Variants in ZMYM3 observed in about 807,000 individuals in gnomAD.
ZMYM3 encodes the protein zinc finger MYM-type containing 3.
A neutral mutation model predicts 94.2 loss-of-function variants in ZMYM3; 6 were observed. The observed-to-expected ratio is 0.06, with a 90% CI of 0.03 to 0.13. The LOEUF is 0.13. Among genes scored for constraint, ZMYM3 ranks in the 10% least tolerant of loss-of-function variants. ZMYM3 has a pLI of 1.00. For missense variants in ZMYM3, 664 were observed against 1,132.6 expected, an observed-to-expected ratio of 0.59 and a Z score of 5.94; for synonymous variants, 420 against 426.5, an observed-to-expected ratio of 0.98 and a Z score of 0.19.
At chrX:71,246,537 G>A (rs1227543036) in intron 14 of ZMYM3, 25 bp from the exon 15 acceptor site, 3 of 1,192,858 alleles carry the variant, frequency 2.5e-6, no homozygotes, top group Non-Finnish European at 3.4e-6. Context: ...GAACATTTGT[G>A]CCACCAACCG....
chrX:71,248,577 G>A, intron 9 of ZMYM3, 53 bp from the exon 10 acceptor site: 5 of 1,172,353 alleles, frequency 4.3e-6, no homozygotes, highest in Non-Finnish European at 5.8e-6. Context: ...CAGCGGTGGG[G>A]AAGGGGAGTC....
Position 71,244,331 on chromosome X carries a change from G to C in ZMYM3, c.3251C>G (p.Thr1084Ser), listed in dbSNP as rs2030068185. The C allele has an allele frequency of 8.3e-7, 1 of 1,207,688 alleles. No homozygotes were observed. Among genetic ancestry groups the C allele is most frequent in the African/African-American group, 1.8e-5 (1 of 56,319 alleles). The change falls in exon 20 of 25, where the codon ACC becomes AGC. Residue 1084 changes from threonine (T) to serine (S), a missense_variant. Transcript: ENST00000314425. ...WVQSKYANGETSKGDELRFGP... is the reference protein window; with the variant it reads ...WVQSKYANGESSKGDELRFGP... The stretch of plus-strand genomic sequence containing the variant: ...AAAGCGCAGCTCATCACCCTTGCTG[G>C]TTTCTCCATTGGCATATTTTGACTG...
chrX:71,251,316 G>T (rs1025976042), intron 3 of ZMYM3, 72 bp from the exon 4 acceptor site: 5 of 1,039,025 alleles, frequency 4.8e-6, no homozygotes, highest in Non-Finnish European at 6.7e-6. Context: ...CAGGGTTTGG[G>T]GGGGGATAGA....
chrX:71,253,113 G>T lies in ZMYM3; in HGVS notation c.143C>A (p.Pro48His). 1 of 1,202,542 alleles carries T rather than the reference G, an allele frequency of 8.3e-7. No individual in the cohort carries two copies. The highest frequency in any genetic ancestry group is 1.1e-6 in the Non-Finnish European group (1 of 890,605). The change falls in exon 2 of 25, where the codon CCT (proline) becomes CAT (histidine). Residue 48 changes from proline (P) to histidine (H), a missense_variant. Around this residue, in one of 9 missense-constraint regions of ZMYM3, gnomAD observed 196 missense variants for 190.8 expected, o/e 1.03. Coordinates refer to ENST00000314425, the MANE Select transcript of ZMYM3 (RefSeq NM_201599.3). ...GGCTCCCGAGGATGGAGAAGGGCCA[G>T]GGGGGGCCCATCCTCGAGTTGGGGC... ...QTAPTRGWAPPGPSPSSGALD... is the reference protein window; with the variant it reads ...QTAPTRGWAPHGPSPSSGALD...
At chrX:71,250,326 C>G in intron 5 of ZMYM3, 106 bp downstream of exon 5, 2 of 1,095,821 alleles carry the variant, frequency 1.8e-6, no homozygotes, top group Non-Finnish European at 2.4e-6. Flanking sequence ...CTACATCACT[C>G]TCTCGCCCAG....
In ZMYM3 at chrX:71,253,269, T is replaced by C; in HGVS notation, c.-14A>G. 1 of 1,143,894 alleles carries C rather than the reference T, an allele frequency of 8.7e-7. No individual in the cohort carries two copies. 94.3% of individuals were successfully genotyped at this position (1,143,894 alleles called of 1,213,427 possible). A position where few individuals can be genotyped will look rare whatever the true frequency, so the allele number is the denominator to read the frequency against. ...ACTGGGGTCCATGAGTATGGCTGGATATGTACTGCAGATTAGGAGTAGAAG... is the reference window on the plus strand; with the variant it reads ...ACTGGGGTCCATGAGTATGGCTGGACATGTACTGCAGATTAGGAGTAGAAG... On this transcript the variant is annotated 5_prime_UTR_variant, in exon 2 of 25. In the 5' UTR this introduces an upstream ATG that the reference lacks. Coordinates refer to ENST00000314425, the MANE Select transcript of ZMYM3 (RefSeq NM_201599.3).
intron 1 of ZMYM3, 96 bp from the exon 2 acceptor site, chrX:71,253,370 A>G: frequency 1.4e-6 from 1 of 710,349 alleles, no homozygotes; most frequent in Non-Finnish European, 2.0e-6. Context: ...ATCCACTTGG[A>G]TTTCTCATGA....
intron 22 of ZMYM3, among the ~76,000 whole-genome samples, chrX:71,242,760 C>T (rs2147965735): frequency 8.9e-6 from 1 of 111,969 alleles, no homozygotes; most frequent in East Asian, 2.8e-4. Context: ...CTAGAGATAG[C>T]TCTTCAGACC....
chrX:71,251,669 C>T, intron 2 of ZMYM3, 68 bp from the exon 3 acceptor site: 3 of 1,102,534 alleles, frequency 2.7e-6, no homozygotes, highest in Non-Finnish European at 3.6e-6. Context: ...CGGCCCAACC[C>T]CCGCCTCCAT....
Position 71,246,479 on chromosome X carries a change from G to GGGGGGGGGGGGGGGGGGGGGA in ZMYM3, c.2445_2446insTCCCCCCCCCCCCCCCCCCCC (p.Ala815_Pro816insSerProProProProProPro). Reference sequence around the variant, plus strand: ...GGGGGTGGTGGGGGTGGAGGGGTGGGAGCAGTGGGAGCTGATCGGGTCTTC... The same window carrying GGGGGGGGGGGGGGGGGGGGGA: ...GGGGGTGGTGGGGGTGGAGGGGTGGGGGGGGGGGGGGGGGGGGGGGAAGCAGTGGGAGCTGATCGGGTCTTC... On this transcript the variant is annotated inframe_insertion, in exon 15 of 25. Coordinates refer to ENST00000314425, the MANE Select transcript of ZMYM3 (RefSeq NM_201599.3). 3.0e-6 allele frequency: 1 copy of GGGGGGGGGGGGGGGGGGGGGA among 333,496 alleles called. No individual in the cohort carries two copies. Among genetic ancestry groups the GGGGGGGGGGGGGGGGGGGGGA allele is most frequent in the Non-Finnish European group, 5.6e-6 (1 of 178,526 alleles). 27.5% of individuals were successfully genotyped at this position (333,496 alleles called of 1,213,427 possible).
chrX:71,253,191 C>T lies in ZMYM3; in HGVS notation c.65G>A (p.Gly22Glu). The T allele has an allele frequency of 4.2e-6, 5 of 1,196,036 alleles. No individual in the cohort carries two copies. The highest frequency in any genetic ancestry group is 4.5e-6 in the Non-Finnish European group (4 of 888,103). Residue 22 changes from glycine (G) to glutamate (E), a missense_variant, in exon 2 of 25, where the codon GGA becomes GAA. This residue lies in a region of ZMYM3 where 196 missense variants were observed against 190.8 expected (regional missense o/e 1.03). Transcript: ENST00000314425. ...AAATTCCATGTCTACTGGTAGGTCT[C>T]CAGCCAGGGGCTTCTCTGGCAGGGT... is the stretch of plus-strand genomic sequence containing the variant. The part of the protein sequence containing the change: ...PLTLPEKPLA[G>E]DLPVDMEFGE...
Position 71,246,503 on chromosome X carries a change from T to C in ZMYM3, c.2422A>G (p.Lys808Glu). 8.5e-7 allele frequency: 1 copy of C among 1,171,554 alleles called. No homozygotes were observed. Among genetic ancestry groups the C allele is most frequent in the Non-Finnish European group, 1.1e-6 (1 of 874,503 alleles). The change falls in exon 15 of 25, where the codon AAG becomes GAG. Residue 808 changes from lysine to glutamate, a missense_variant. Transcript: ENST00000314425. ...ENGNLGKIPV[K>E]TRSAPTAPTP... is the part of the protein sequence containing the mutation. Reference sequence around the variant, plus strand: ...GGAGCAGTGGGAGCTGATCGGGTCTTCACAGGGATCTGCAAAGACAGAGGA... The same window carrying C: ...GGAGCAGTGGGAGCTGATCGGGTCTCCACAGGGATCTGCAAAGACAGAGGA...
At chrX:71,243,341 GAC>G (rs2030027556) in intron 21 of ZMYM3, among the ~76,000 whole-genome samples, 2 of 111,236 alleles carry the variant, frequency 1.8e-5, no homozygotes, top group South Asian at 7.6e-4. Flanking sequence ...ATACATGGTT[GAC>G]TTCTCCCAGG....
chrX:71,244,955 GC>G, intron 18 of ZMYM3, 62 bp from the exon 19 acceptor site: 2 of 954,025 alleles, frequency 2.1e-6, no homozygotes, highest in Non-Finnish European at 2.9e-6. Flanking sequence ...CAGCCCTCCT[GC>G]CCCACCCCTG....
chrX:71,247,655 C>T, intron 12 of ZMYM3, 79 bp downstream of exon 12: 1 of 1,157,832 alleles, frequency 8.6e-7, no homozygotes, highest in Non-Finnish European at 1.2e-6. Flanking sequence ...GAGATCTGTC[C>T]ACACCCCGAG....
chrX:71,249,398 T>C (rs1470253142), intron 7 of ZMYM3, 63 bp downstream of exon 7: 2 of 1,157,982 alleles, frequency 1.7e-6, no homozygotes, highest in Non-Finnish European at 2.3e-6. Context: ...GCCACCTTTA[T>C]TTATAACCCA....
In ZMYM3 at chrX:71,250,092, G is replaced by T; in HGVS notation, c.1185C>A (p.Arg395=). 2.5e-6 allele frequency: 3 copies of T among 1,207,116 alleles called. No homozygotes were observed. The highest frequency in any genetic ancestry group is 3.4e-6 in the Non-Finnish European group (3 of 893,487). The change falls in exon 6 of 25, where the codon CGC becomes CGA. Residue 395 remains arginine, a synonymous_variant. Coordinates refer to ENST00000314425, the MANE Select transcript of ZMYM3 (RefSeq NM_201599.3). ...CGGGATCCCCAGACTGGGGGATCGG[G>T]CGCTGCTGCTGGGCCTCATACAGGG... ...CLSLYEAQQQ[R]PIPQSGDPAD...
chrX:71,248,587 C>T (rs913332448), intron 9 of ZMYM3, 63 bp from the exon 10 acceptor site: 11 of 1,161,134 alleles, frequency 9.5e-6, no homozygotes, highest in Admixed American at 7.0e-5. Flanking sequence ...GAAGGGGAGT[C>T]AGGCTTGTTC....
chrX:71,246,409 A>T lies in ZMYM3; in HGVS notation c.2516T>A (p.Met839Lys). ...KNKAAMCKPL[M>K]QNRGVSCKVE... ...CTTGCAGGAGACGCCCCGATTCTGC[A>T]TCAGTGGCTTACACATGGCAGCCTT... is the stretch of plus-strand genomic sequence containing the variant. The change falls in exon 15 of 25, where the codon ATG becomes AAG. Residue 839 changes from methionine (M) to lysine (K), a missense_variant. Coordinates refer to ENST00000314425, the MANE Select transcript of ZMYM3 (RefSeq NM_201599.3). 1 of 1,123,942 alleles carries T rather than the reference A, an allele frequency of 8.9e-7. No homozygotes were observed. The highest frequency in any genetic ancestry group is 1.2e-6 in the Non-Finnish European group (1 of 846,906). The allele number at this position is 1,123,942 out of a possible 1,213,427, so 92.6% of individuals were successfully genotyped here.
Sources: allele counts gnomAD v4.1 joint callset (sites outside exome capture counted in the v4.1 genomes callset), GRCh38; gene constraint gnomAD v4.1.1; regional missense constraint gnomAD v4.1.1; transcripts MANE v1.5; gene names NCBI Gene and HGNC (gene_info 2026-07-23, HGNC 2026-07-21).